Variants in MACROD2 observed in about 807,000 individuals in gnomAD.
MACROD2 encodes ADP-ribose glycohydrolase MACROD2.
A neutral mutation model predicts 70.4 loss-of-function variants in MACROD2; 36 were observed. The observed-to-expected ratio is 0.51, with a 90% CI of 0.39 to 0.68. The LOEUF (loss-of-function observed/expected upper bound fraction) is 0.68, where lower values mean the gene tolerates loss of function less well. MACROD2 is among the 30% of genes least tolerant of loss of function. The pLI is 0.00. For missense variants in MACROD2, 496 were observed against 538.4 expected, an observed-to-expected ratio of 0.92 and a Z score of 0.78; for synonymous variants, 172 against 178.8, an observed-to-expected ratio of 0.96 and a Z score of 0.30.
intron 3 of MACROD2, among the ~76,000 whole-genome samples, chr20:14,408,631 G>T (rs1387391009): frequency 6.6e-6 from 1 of 152,148 alleles, no homozygotes; most frequent in Non-Finnish European, 1.5e-5. Flanking sequence ...AAACATGGGT[G>T]GACCCAAAGA....
intron 3 of MACROD2, chr20:14,327,639 C>A (rs1303706353): frequency 1.0e-6 from 1 of 992,002 alleles, no homozygotes; most frequent in African/African-American, 1.6e-5. Context: ...AATGTGGAAA[C>A]TAAAATATCC....
At chr20:14,762,535 C>G (rs908974592) in intron 5 of MACROD2, among the ~76,000 whole-genome samples, 9 of 152,152 alleles carry the variant, frequency 5.9e-5, no homozygotes, top group Admixed American at 2.6e-4. Context: ...CTCTCACTTA[C>G]TTACTGAGCA....
At chr20:14,282,429 C>T (rs560010825) in intron 3 of MACROD2, among the ~76,000 whole-genome samples, 2 of 152,222 alleles carry the variant, frequency 1.3e-5, no homozygotes, top group South Asian at 4.2e-4. Flanking sequence ...GCTGGATGGT[C>T]AGTGTTTTCC....
At chr20:14,394,167 A>G (rs936894082) in intron 3 of MACROD2, among the ~76,000 whole-genome samples, 13 of 152,182 alleles carry the variant, frequency 8.5e-5, no homozygotes, top group Middle Eastern at 3.2e-3. Context: ...CAGTTTGTCA[A>G]TTGAGATTGT....
intron 8 of MACROD2, among the ~76,000 whole-genome samples, chr20:15,573,555 A>G (rs1276346507): frequency 6.6e-6 from 1 of 152,176 alleles, no homozygotes; most frequent in African/African-American, 2.4e-5. Flanking sequence ...AGTTGTTTGG[A>G]AGAAGAGTAG....
In MACROD2 at chr20:14,326,690, G is replaced by T. The variant is rs1568558608; in HGVS notation, c.272-166789G>T. 4.3e-6 allele frequency: 7 copies of T among 1,613,760 alleles called. No individual in the cohort carries two copies. The highest frequency in any genetic ancestry group is 5.1e-6 in the Non-Finnish European group (6 of 1,179,824). ...TTATTGGACATATCCAGTCGATAGA[G>T]CTGCCTTAGATAAGAAAAAGCATTT... On this transcript the variant is annotated intron_variant, in intron 3 of 17. Coordinates refer to ENST00000684519, the MANE Select transcript of MACROD2 (RefSeq NM_001351661.2). This position sits in a 1 kb window ranked among gnomAD's most constrained non-coding sequence, Gnocchi z 5.5.
Position 14,686,689 on chromosome 20 carries a change from A to G in MACROD2, c.418+1730A>G, listed in dbSNP as rs569730926. Among the ~76,000 whole-genome samples, 62 of 152,254 alleles carry G rather than the reference A, an allele frequency of 4.1e-4. No individual in the cohort carries two copies. In the Middle Eastern group the frequency reaches 0.01, roughly 25 times the overall value. On this transcript the variant is annotated intron_variant, in intron 5 of 17. Transcript: ENST00000684519. ...GTCTAGGTGTGTAGTAGGCTATACCATCTCGGTTTGTGTAAGTATACCCTA... is the reference window on the plus strand; with the variant it reads ...GTCTAGGTGTGTAGTAGGCTATACCGTCTCGGTTTGTGTAAGTATACCCTA...
chr20:14,345,633 T>G (rs1471919228), intron 3 of MACROD2, among the ~76,000 whole-genome samples: 2 of 152,096 alleles, frequency 1.3e-5, no homozygotes, highest in Non-Finnish European at 2.9e-5. Flanking sequence ...TTTTGCCATA[T>G]TGGCCAGGCT....
chr20:15,141,205 T>C (rs2076189429), intron 5 of MACROD2, among the ~76,000 whole-genome samples: 1 of 152,074 alleles, frequency 6.6e-6, no homozygotes, highest in South Asian at 2.1e-4. Flanking sequence ...TACATCCATA[T>C]AGATATACAT....
rs144770600 is a variant in MACROD2, at chr20:14,158,894, T to C, written c.271+73166T>C. 3.0e-3 allele frequency among the ~76,000 whole-genome samples: 459 copies of C among 152,314 alleles called. 8 individuals carry two copies. The highest frequency in any genetic ancestry group is 0.01 in the African/African-American group (436 of 41,568). Reference sequence around the variant, plus strand: ...TCAGGATTGCTTTGGCTACTTGGGCTCTTTTTTGGTTCTATACAAATTTTA... The same window carrying C: ...TCAGGATTGCTTTGGCTACTTGGGCCCTTTTTTGGTTCTATACAAATTTTA... On this transcript the variant is annotated intron_variant, in intron 3 of 17. Transcript: ENST00000684519.
chr20:14,552,747 G>T (rs1978743185), intron 4 of MACROD2, among the ~76,000 whole-genome samples: 1 of 152,090 alleles, frequency 6.6e-6, no homozygotes, highest in Non-Finnish European at 1.5e-5. Flanking sequence ...GGTAAGTATT[G>T]TGTGTCTAAG....
chr20:16,003,945 G>A (rs185306343), intron 15 of MACROD2, among the ~76,000 whole-genome samples: 407 of 152,174 alleles, frequency 2.7e-3, no homozygotes, highest in African/African-American at 8.3e-3. Flanking sequence ...CTGGGATTAC[G>A]GGCTTGAGCC....
At chr20:15,044,159 G>A (rs950348471) in intron 5 of MACROD2, among the ~76,000 whole-genome samples, 2 of 152,110 alleles carry the variant, frequency 1.3e-5, no homozygotes, top group African/African-American at 4.8e-5. Flanking sequence ...TCACATGGTC[G>A]GATCCTCTGG....
intron 8 of MACROD2, among the ~76,000 whole-genome samples, chr20:15,677,802 C>T (rs2050086382): frequency 1.3e-5 from 2 of 152,332 alleles, no homozygotes; most frequent in East Asian, 1.9e-4. Flanking sequence ...GGCGCGGTGG[C>T]TCACACCTGT....
intron 8 of MACROD2, among the ~76,000 whole-genome samples, chr20:15,646,697 A>G (rs1001371688): frequency 6.6e-6 from 1 of 152,126 alleles, no homozygotes; most frequent in Admixed American, 6.5e-5. Flanking sequence ...TGTTCTCATG[A>G]GATCTGATGG....
intron 4 of MACROD2, among the ~76,000 whole-genome samples, chr20:14,540,986 G>A (rs1167403503): frequency 6.6e-6 from 1 of 152,166 alleles, no homozygotes; most frequent in East Asian, 1.9e-4. Flanking sequence ...AATATCTAGT[G>A]CTTATGAATT....
intron 5 of MACROD2, among the ~76,000 whole-genome samples, chr20:14,742,914 C>G (rs978080499): frequency 6.6e-6 from 1 of 151,260 alleles, no homozygotes; most frequent in Non-Finnish European, 1.5e-5. Flanking sequence ...CTACAGGCGC[C>G]CGCCACTATG....
intron 15 of MACROD2, among the ~76,000 whole-genome samples, chr20:16,032,415 A>T (rs1247809784): frequency 1.3e-5 from 2 of 152,162 alleles, no homozygotes; most frequent in African/African-American, 4.8e-5. Context: ...ACATTAAAAA[A>T]TTATATATTA....
At chr20:15,838,431 A>C (rs998447965) in intron 8 of MACROD2, among the ~76,000 whole-genome samples, 3 of 152,190 alleles carry the variant, frequency 2.0e-5, no homozygotes, top group Non-Finnish European at 4.4e-5. Flanking sequence ...AAAATTAAGC[A>C]TCAATTAGCT....
Sources: gnomAD v4.1 joint callset for allele counts (sites outside exome capture counted in the v4.1 genomes callset) on GRCh38, gnomAD v4.1.1 for gene constraint, Gnocchi (gnomAD v3.1) non-coding constraint, MANE v1.5 for transcripts, NCBI Gene and HGNC (gene_info 2026-07-23, HGNC 2026-07-21) for gene names.